Variants in FEZ2 observed in about 807,000 individuals in gnomAD.
FEZ2 encodes fasciculation and elongation protein zeta 2, also known as fasciculation and elongation protein zeta-2.
FEZ2 carries 51 observed loss-of-function variants against 40.4 expected under a neutral mutation model. The ratio of observed to expected loss-of-function variants is 1.26; its 90% confidence interval spans 1.01 to 1.59. The LOEUF is 1.59. Among genes scored for constraint, FEZ2 ranks in the 40% most tolerant of loss-of-function variants. FEZ2 has a pLI of 0.00. For missense variants in FEZ2, 640 were observed against 438.3 expected (o/e 1.46, Z -4.11); for synonymous variants, 242 against 172.0 (o/e 1.41, Z -3.18).
At chr2:36,582,374 TAAG>T (rs1248976197) in intron 3 of FEZ2, among the ~76,000 whole-genome samples, 1 of 152,128 alleles carries the variant, frequency 6.6e-6, no homozygotes, top group African/African-American at 2.4e-5. Flanking sequence ...ATGTTAATTA[TAAG>T]AAGAGTCTCC....
intron 5 of FEZ2, among the ~76,000 whole-genome samples, chr2:36,563,184 C>T (rs1190342988): frequency 6.6e-6 from 1 of 152,230 alleles, no homozygotes; most frequent in Non-Finnish European, 1.5e-5. Flanking sequence ...TACTGACAGC[C>T]TGACTACTTG....
chr2:36,581,144 G>A (rs925406861), intron 4 of FEZ2, 146 bp downstream of exon 4: 44 of 788,770 alleles, frequency 5.6e-5, no homozygotes, highest in Middle Eastern at 2.7e-4. Flanking sequence ...GTGAAATCCC[G>A]TCTCAACAAC....
chr2:36,567,873 C>G (rs1469620123), intron 5 of FEZ2, among the ~76,000 whole-genome samples: 1 of 152,018 alleles, frequency 6.6e-6, no homozygotes, highest in Non-Finnish European at 1.5e-5. Context: ...GCAGTGAGAC[C>G]AGGAAGAAAC....
intron 1 of FEZ2, among the ~76,000 whole-genome samples, chr2:36,597,645 G>A (rs563374320): frequency 2.2e-4 from 33 of 152,374 alleles, no homozygotes; most frequent in African/African-American, 7.5e-4. Flanking sequence ...TTGCAGGAAG[G>A]AGGGCGGGAG....
chr2:36,563,946 C>G (rs1668163684), intron 5 of FEZ2, among the ~76,000 whole-genome samples: 1 of 152,174 alleles, frequency 6.6e-6, no homozygotes, highest in African/African-American at 2.4e-5. Context: ...TGCCAGTGTT[C>G]CCTAGGATCT....
chr2:36,574,728 G>C (rs1225859927), intron 5 of FEZ2, among the ~76,000 whole-genome samples: 1 of 152,036 alleles, frequency 6.6e-6, no homozygotes, highest in Non-Finnish European at 1.5e-5. Context: ...ATATAAAGAA[G>C]TGTCACCCAA....
At chr2:36,590,832 G>T (rs1172573019) in intron 2 of FEZ2, 71 bp downstream of exon 2, 2 of 914,072 alleles carry the variant, frequency 2.2e-6, no homozygotes, top group African/African-American at 1.6e-5. Flanking sequence ...GTGTTAAGCA[G>T]AAATGCTACT....
intron 7 of FEZ2, among the ~76,000 whole-genome samples, chr2:36,553,391 A>C (rs927170314): frequency 1.3e-5 from 2 of 152,180 alleles, no homozygotes; most frequent in Admixed American, 1.3e-4. Context: ...CAGAAATGAG[A>C]TACCAAAAGG....
Position 36,558,517 on chromosome 2 carries a change from C to G in FEZ2, c.904-4G>C. 1 of 1,478,808 alleles carries G rather than the reference C, an allele frequency of 6.8e-7. No individual in the cohort carries two copies. The highest frequency in any genetic ancestry group is 9.0e-7 in the Non-Finnish European group (1 of 1,108,888). The allele number at this position is 1,478,808 out of a possible 1,614,324, so 91.6% of individuals were successfully genotyped here. Reference sequence around the variant, plus strand: ...AAGGAATGACTGTAGTCAAATACTGCCAAGTTTAAAAAAAAAAAGTGTCAC... The same window carrying G: ...AAGGAATGACTGTAGTCAAATACTGGCAAGTTTAAAAAAAAAAAGTGTCAC... On this transcript the variant is annotated splice_region_variant and splice_polypyrimidine_tract_variant and intron_variant, in intron 5 of 7. Transcript: ENST00000405912.
intron 5 of FEZ2, 52 bp from the exon 6 acceptor site, chr2:36,558,565 G>T: frequency 9.0e-7 from 1 of 1,116,826 alleles, no homozygotes; most frequent in Non-Finnish European, 1.3e-6. Flanking sequence ...TACCTTATCT[G>T]CAAAAAATTT....
intron 3 of FEZ2, chr2:36,581,710 C>G: frequency 3.2e-6 from 1 of 310,412 alleles, no homozygotes; most frequent in Non-Finnish European, 6.4e-6. Context: ...CTTGCAAAGT[C>G]TAGGTAATCG....
At chr2:36,561,014 T>C (rs1573001890) in intron 5 of FEZ2, 4 of 485,156 alleles carry the variant, frequency 8.2e-6, no homozygotes, top group Middle Eastern at 2.9e-4. Context: ...CATAAACCCA[T>C]GCTCTTTTTA....
At chr2:36,570,840 T>A (rs1052136835) in intron 5 of FEZ2, among the ~76,000 whole-genome samples, 1 of 152,234 alleles carries the variant, frequency 6.6e-6, no homozygotes, top group East Asian at 1.9e-4. Context: ...CTCCATCATC[T>A]ATCTATACGC....
At chr2:36,582,962 C>G (rs1207320066) in intron 3 of FEZ2, among the ~76,000 whole-genome samples, 1 of 152,202 alleles carries the variant, frequency 6.6e-6, no homozygotes, top group Non-Finnish European at 1.5e-5. Context: ...TACTTTAATA[C>G]ATGCTAATGC....
At chr2:36,573,414 G>A (rs1024269463) in intron 5 of FEZ2, among the ~76,000 whole-genome samples, 1 of 152,206 alleles carries the variant, frequency 6.6e-6, no homozygotes, top group African/African-American at 2.4e-5. Context: ...AACTGCTACT[G>A]AAATTCAATG....
chr2:36,563,250 T>C (rs980354934), intron 5 of FEZ2, among the ~76,000 whole-genome samples: 4 of 152,156 alleles, frequency 2.6e-5, no homozygotes, highest in African/African-American at 9.7e-5. Context: ...TTAGTGAAAA[T>C]GCAACCCCAT....
Position 36,578,718 on chromosome 2 carries a change from G to A in FEZ2, c.782C>T (p.Ser261Phe). The A allele has an allele frequency of 6.2e-7, 1 of 1,613,864 alleles. No individual in the cohort carries two copies. The highest frequency in any genetic ancestry group is 8.5e-7 in the Non-Finnish European group (1 of 1,179,874). The change falls in exon 5 of 8, where the codon TCT (serine) becomes TTT (phenylalanine). Residue 261 changes from serine (S) to phenylalanine (F), a missense_variant. Coordinates refer to ENST00000405912, the MANE Select transcript of FEZ2 (RefSeq NM_005102.3). The part of the protein sequence containing the change: ...FEKEVKNSFI[S>F]VLIEVQNKQK... ...TTTGTTTTGCACTTCAATAAGAACAGAAATAAAGCTGTTTTTCACTTCCTT... is the reference window on the plus strand; with the variant it reads ...TTTGTTTTGCACTTCAATAAGAACAAAAATAAAGCTGTTTTTCACTTCCTT...
chr2:36,578,542 G>A (rs1357111754), intron 5 of FEZ2, 55 bp downstream of exon 5: 2 of 1,559,324 alleles, frequency 1.3e-6, no homozygotes, highest in Admixed American at 3.7e-5. Context: ...CAAAGGCTGG[G>A]ACTACCACAG....
At chr2:36,579,952 G>A (rs1402486401) in intron 4 of FEZ2, among the ~76,000 whole-genome samples, 2 of 152,114 alleles carry the variant, frequency 1.3e-5, no homozygotes, top group Non-Finnish European at 1.5e-5. Flanking sequence ...AACCCAACAT[G>A]ACTGGTATTC....
Sources: gnomAD v4.1 joint callset for allele counts (sites outside exome capture counted in the v4.1 genomes callset) on GRCh38, gnomAD v4.1.1 for gene constraint, MANE v1.5 for transcripts, NCBI Gene and HGNC (gene_info 2026-07-23, HGNC 2026-07-21) for gene names.